The following EVC2 variants were observed in gnomAD, a reference collection of about 807,000 sequenced individuals.
EVC2 encodes the protein EvC ciliary complex subunit 2, also known as limbin.
EVC2 carries 148 observed loss-of-function variants against 149.3 expected under a neutral mutation model. The ratio of observed to expected loss-of-function variants is 0.99; its 90% CI spans 0.87 to 1.14. The LOEUF is 1.14. Among genes scored for constraint, EVC2 ranks in the 50% most tolerant of loss-of-function variants. EVC2 has a pLI of 0.00. For missense variants in EVC2, 1,854 were observed against 1,627.3 expected, an observed-to-expected ratio of 1.14 and a Z score of -2.40; for synonymous variants, 776 against 649.9, an observed-to-expected ratio of 1.19 and a Z score of -2.95.
intron 17 of EVC2, among the ~76,000 whole-genome samples, chr4:5,578,594 G>A (rs1177662916): frequency 1.3e-5 from 2 of 152,068 alleles, no homozygotes; most frequent in African/African-American, 2.4e-5. Context: ...TCACTCCACA[G>A]GTATCTGCTG....
chr4:5,593,806 C>T (rs1474733258), intron 16 of EVC2, among the ~76,000 whole-genome samples: 2 of 152,148 alleles, frequency 1.3e-5, no homozygotes, highest in African/African-American at 4.8e-5. Context: ...CAGGGAGTTC[C>T]CTTTCCTAGT....
At chr4:5,659,154 G>A (rs1718720235) in intron 9 of EVC2, among the ~76,000 whole-genome samples, 1 of 152,178 alleles carries the variant, frequency 6.6e-6, no homozygotes, top group South Asian at 2.1e-4. Flanking sequence ...CAGCTCTCAT[G>A]GGGCTTGAAA....
At chr4:5,697,490 T>C in intron 2 of EVC2, 103 bp downstream of exon 2, 2 of 1,179,908 alleles carry the variant, frequency 1.7e-6, no homozygotes, top group Non-Finnish European at 2.5e-6. Context: ...AGAGAGGTGC[T>C]GGAAGGATCA....
intron 16 of EVC2, among the ~76,000 whole-genome samples, chr4:5,595,875 G>C (rs13120659): frequency 6.6e-6 from 1 of 151,898 alleles, no homozygotes; most frequent in African/African-American, 2.4e-5. Context: ...TGGAGAAAGA[G>C]CTACCAAGCA....
At chr4:5,552,405 A>AG (rs1721754141) in intron 21 of EVC2, among the ~76,000 whole-genome samples, 1 of 152,190 alleles carries the variant, frequency 6.6e-6, no homozygotes, top group African/African-American at 2.4e-5. Flanking sequence ...TCTATTTCTT[A>AG]GAGTTAATAA....
chr4:5,694,589 A>G (rs1212924608), intron 2 of EVC2, 88 bp from the exon 3 acceptor site: 3 of 1,483,238 alleles, frequency 2.0e-6, no homozygotes, highest in Non-Finnish European at 9.4e-7. Context: ...TACAGGGTAC[A>G]TGGAAGGTAC....
intron 2 of EVC2, among the ~76,000 whole-genome samples, chr4:5,697,357 G>A (rs921403494): frequency 6.6e-6 from 1 of 152,162 alleles, no homozygotes; most frequent in East Asian, 1.9e-4. Context: ...TGCCTTCAGG[G>A]GATATCAAAA....
At chr4:5,627,107 A>G (rs1716174338) in intron 12 of EVC2, among the ~76,000 whole-genome samples, 1 of 152,136 alleles carries the variant, frequency 6.6e-6, no homozygotes, top group African/African-American at 2.4e-5. Flanking sequence ...TACCCTGACG[A>G]GTACACTCTG....
chr4:5,648,021 CTTTTT>C (rs937862990), intron 9 of EVC2, among the ~76,000 whole-genome samples: 1 of 151,284 alleles, frequency 6.6e-6, no homozygotes, highest in African/African-American at 2.4e-5. Flanking sequence ...AAGCTGACGT[CTTTTT>C]TTTTAATTGA....
At chr4:5,585,815 T>A (rs1314092569) in intron 16 of EVC2, among the ~76,000 whole-genome samples, 2 of 152,152 alleles carry the variant, frequency 1.3e-5, no homozygotes, top group East Asian at 3.8e-4. Flanking sequence ...AGTTTTTTTT[T>A]ATAAGTGGAG....
At chr4:5,593,237 A>G (rs1713003389) in intron 16 of EVC2, among the ~76,000 whole-genome samples, 1 of 152,166 alleles carries the variant, frequency 6.6e-6, no homozygotes, top group African/African-American at 2.4e-5. Flanking sequence ...AACCTTCCAG[A>G]AGTACGCCAC....
At chr4:5,616,362 T>C (rs1186440756) in intron 15 of EVC2, among the ~76,000 whole-genome samples, 1 of 152,148 alleles carries the variant, frequency 6.6e-6, no homozygotes, top group Admixed American at 6.5e-5. Context: ...AGTTTGCAAG[T>C]GCCTTTGAAA....
Position 5,679,172 on chromosome 4 carries a change from A to T in EVC2, c.870+2088T>A, listed in dbSNP as rs1720181330. 6.6e-6 allele frequency among the ~76,000 whole-genome samples: 1 copy of T among 151,984 alleles called. No homozygotes were observed. The highest frequency in any genetic ancestry group is 1.5e-5 in the Non-Finnish European group (1 of 67,986). ...GTGAGTGAGTGGTGAGTGAATGTGA[A>T]GGCGTAGGGTATGACTGTACACGAC... is the stretch of plus-strand genomic sequence containing the variant. On this transcript the variant is annotated intron_variant, in intron 7 of 21. Coordinates refer to ENST00000344408, the MANE Select transcript of EVC2 (RefSeq NM_147127.5). The surrounding 1 kb of genome is among the most constrained non-coding windows in gnomAD (Gnocchi z 5.1).
At chr4:5,617,540 T>C (rs920742402) in intron 15 of EVC2, among the ~76,000 whole-genome samples, 1 of 152,136 alleles carries the variant, frequency 6.6e-6, no homozygotes, top group Admixed American at 6.6e-5. Context: ...AGCTTATTTT[T>C]AGTGGAAGCC....
intron 3 of EVC2, among the ~76,000 whole-genome samples, chr4:5,693,777 C>G (rs1721279812): frequency 6.6e-6 from 1 of 152,218 alleles, no homozygotes; most frequent in Non-Finnish European, 1.5e-5. Context: ...ACTGAACCCA[C>G]GTTACATAAA....
In EVC2 at chr4:5,573,575, G is replaced by A. The variant is rs1185016294; in HGVS notation, c.3360+1110C>T. Among the ~76,000 whole-genome samples the A allele has an allele frequency of 4.6e-5, 7 of 152,186 alleles. No homozygotes were observed. In the East Asian group the frequency reaches 5.8e-4, roughly 13 times the overall value. ...AACAGATTCTCCCCCTAAAGCTTCC[G>A]AAAGGCAGGCAAATCCGCCAACACC... On this transcript the variant is annotated intron_variant, in intron 19 of 21. Coordinates refer to ENST00000344408, the MANE Select transcript of EVC2 (RefSeq NM_147127.5).
intron 2 of EVC2, 29 bp downstream of exon 2, chr4:5,697,564 G>A (rs1381172031): frequency 6.2e-7 from 1 of 1,613,134 alleles, no homozygotes. Flanking sequence ...GCTCAAAACA[G>A]GGGAACATCA....
In EVC2 at chr4:5,640,403, T is replaced by C. The variant is rs74490257; in HGVS notation, c.1470+111A>G. 2.7e-3 allele frequency: 3,449 copies of C among 1,260,118 alleles called. 87 individuals are homozygous for C. The African/African-American group carries it at 0.044, about 16-fold the overall frequency. 78.1% of individuals were successfully genotyped at this position (1,260,118 alleles called of 1,614,324 possible). A position where few individuals can be genotyped will look rare whatever the true frequency, so the allele number is the denominator to read the frequency against. On this transcript the variant is annotated intron_variant, in intron 10 of 21. Coordinates refer to ENST00000344408, the MANE Select transcript of EVC2 (RefSeq NM_147127.5). The surrounding 1 kb of genome is among the most constrained non-coding windows in gnomAD (Gnocchi z 4.6). Reference sequence around the variant, plus strand: ...ATGAATGAGTGGGTGGTTGGATGGATGATGGGTAGACGGATGGAGGAGGCA... The same window carrying C: ...ATGAATGAGTGGGTGGTTGGATGGACGATGGGTAGACGGATGGAGGAGGCA...
In EVC2 at chr4:5,708,317, C is replaced by A; in HGVS notation, c.197G>T (p.Arg66Leu). The change falls in exon 1 of 22, where the codon CGG becomes CTG. Residue 66 changes from arginine (R) to leucine (L), a missense_variant. Physicochemically the swap from Arg to Leu is moderately radical, Grantham distance 102 (BLOSUM62 -2). Transcript: ENST00000344408. ...GCTGCTCTCGGGCCCCGCCCCGCTC[C>A]GCCCCGGAGGGATCCTCAGGCCGGG... ...SGPGLRIPPGRSGAGPESSTQ... is the reference protein window; with the variant it reads ...SGPGLRIPPGLSGAGPESSTQ... 2.1e-6 allele frequency: 3 copies of A among 1,460,190 alleles called. No individual in the cohort carries two copies. The highest frequency in any genetic ancestry group is 2.7e-6 in the Non-Finnish European group (3 of 1,111,570). 90.5% of individuals were successfully genotyped at this position (1,460,190 alleles called of 1,614,324 possible). A position where few individuals can be genotyped will look rare whatever the true frequency, so the allele number is the denominator to read the frequency against.
Sources: allele counts gnomAD v4.1 joint callset (sites outside exome capture counted in the v4.1 genomes callset), GRCh38; gene constraint gnomAD v4.1.1; non-coding constraint Gnocchi (gnomAD v3.1); transcripts MANE v1.5; gene names NCBI Gene and HGNC (gene_info 2026-07-23, HGNC 2026-07-21).